DAOA: variants seen among roughly 807,000 people sequenced by gnomAD.
DAOA encodes D-amino acid oxidase regulator.
Under a neutral mutation model 16.4 loss-of-function variants are expected in DAOA, and 15 were observed. The ratio of observed to expected loss-of-function variants is 0.91; its 90% CI spans 0.61 to 1.41. DAOA has a LOEUF of 1.41. Ranked by LOEUF, DAOA falls within the 40% of genes most tolerant of loss-of-function variation. The pLI is 0.00. For synonymous variants in DAOA, 75 were observed against 59.1 expected (o/e 1.27, Z -1.23); for missense variants, 230 against 176.8 (o/e 1.30, Z -1.71).
At chr13:105,479,007 A>G (rs1877529308) in intron 4 of DAOA, among the ~76,000 whole-genome samples, 1 of 152,192 alleles carries the variant, frequency 6.6e-6, no homozygotes, top group African/African-American at 2.4e-5. Context: ...TCATTCAACA[A>G]CTATTCACTG....
At chr13:105,466,964 T>G in intron 2 of DAOA, 89 bp from the exon 3 acceptor site, 1 of 1,477,284 alleles carries the variant, frequency 6.8e-7, no homozygotes, top group Non-Finnish European at 9.0e-7. Context: ...CCATACATGT[T>G]ATATGCTCCA....
chr13:105,484,361 C>G (rs1877964250), intron 4 of DAOA, among the ~76,000 whole-genome samples: 1 of 152,076 alleles, frequency 6.6e-6, no homozygotes, highest in Non-Finnish European at 1.5e-5. Context: ...TTGTCAATTT[C>G]CACAATGTAG....
chr13:105,479,199 GT>G (rs1352914411), intron 4 of DAOA, among the ~76,000 whole-genome samples: 1 of 152,068 alleles, frequency 6.6e-6, no homozygotes, highest in Non-Finnish European at 1.5e-5. Flanking sequence ...TGTTCGTATT[GT>G]TTCTTGGTTT....
At chr13:105,487,374 G>A (rs1057191108) in intron 4 of DAOA, among the ~76,000 whole-genome samples, 1 of 152,204 alleles carries the variant, frequency 6.6e-6, no homozygotes, top group African/African-American at 2.4e-5. Context: ...GATGGAGCAG[G>A]AAATGATGTG....
intron 4 of DAOA, among the ~76,000 whole-genome samples, chr13:105,488,034 G>A (rs538713772): frequency 6.6e-6 from 1 of 152,304 alleles, no homozygotes; most frequent in South Asian, 2.1e-4. Flanking sequence ...ACTAATGGAT[G>A]TGAATAAGCT....
chr13:105,487,302 T>C (rs781428178), intron 4 of DAOA, among the ~76,000 whole-genome samples: 1 of 152,186 alleles, frequency 6.6e-6, no homozygotes, highest in Non-Finnish European at 1.5e-5. Flanking sequence ...TTGCTGTTGT[T>C]CTGTACTAAG....
At chr13:105,474,463 C>T (rs1374576000) in intron 4 of DAOA, among the ~76,000 whole-genome samples, 4 of 151,960 alleles carry the variant, frequency 2.6e-5, no homozygotes, top group Non-Finnish European at 5.9e-5. Flanking sequence ...AAAATTATCT[C>T]AAGGCAAAGG....
intron 4 of DAOA, among the ~76,000 whole-genome samples, chr13:105,473,016 C>A (rs191767314): frequency 1.8e-3 from 270 of 152,168 alleles, no homozygotes; most frequent in African/African-American, 6.0e-3. Context: ...CCATCTTTGT[C>A]AAGCATCTTG....
Sources: gnomAD v4.1 joint callset for allele counts (sites outside exome capture counted in the v4.1 genomes callset) on GRCh38, gnomAD v4.1.1 for gene constraint, MANE v1.5 for transcripts, NCBI Gene and HGNC (gene_info 2026-07-23, HGNC 2026-07-21) for gene names.